CDC7: variants seen among roughly 807,000 people sequenced by gnomAD.
CDC7 encodes the protein cell division cycle 7-related protein kinase.
CDC7 carries 34 observed loss-of-function variants against 53.5 expected under a neutral mutation model. The ratio of observed to expected loss-of-function variants is 0.64; its 90% CI spans 0.48 to 0.85. CDC7 has a LOEUF of 0.85. CDC7 is among the 40% of genes least tolerant of loss of function. The probability of loss-of-function intolerance (pLI) is 0.00; values close to 1 mark genes in which losing one functional copy is unlikely to be tolerated. For synonymous variants in CDC7, 211 were observed against 222.8 expected, an observed-to-expected ratio of 0.95 and a Z score of 0.47; for missense variants, 594 against 679.7, an observed-to-expected ratio of 0.87 and a Z score of 1.40.
At chr1:91,512,916 T>C in intron 6 of CDC7, 142 bp from the exon 7 acceptor site, 3 of 709,304 alleles carry the variant, frequency 4.2e-6, no homozygotes, top group Non-Finnish European at 6.9e-6. Flanking sequence ...ACTTATTTTT[T>C]TTTCTTTTTT....
At chr1:91,518,719 T>C (rs965031019) in intron 10 of CDC7, among the ~76,000 whole-genome samples, 2 of 152,072 alleles carry the variant, frequency 1.3e-5, no homozygotes, top group African/African-American at 2.4e-5. Context: ...AGAAAGATGG[T>C]TACCAGAGGC....
intron 2 of CDC7, among the ~76,000 whole-genome samples, chr1:91,506,351 C>CTT (rs548704623): frequency 6.7e-6 from 1 of 149,138 alleles, no homozygotes; most frequent in African/African-American, 2.5e-5. Flanking sequence ...TCATCCAAGC[C>CTT]TTTTTTTTTT....
intron 1 of CDC7, chr1:91,501,337 C>A (rs1020169816): frequency 4.8e-6 from 1 of 210,224 alleles, no homozygotes; most frequent in Non-Finnish European, 9.6e-6. Flanking sequence ...TGACTTCAAA[C>A]CGCCCCCGGC....
intron 4 of CDC7, 30 bp from the exon 5 acceptor site, chr1:91,511,567 C>T (rs1220337961): frequency 7.7e-6 from 11 of 1,434,686 alleles, no homozygotes; most frequent in Non-Finnish European, 1.1e-5. Flanking sequence ...GACCTTTCTT[C>T]TAAAAGTTCC....
intron 11 of CDC7, among the ~76,000 whole-genome samples, chr1:91,521,134 C>G (rs891169886): frequency 6.6e-6 from 1 of 152,214 alleles, no homozygotes; most frequent in African/African-American, 2.4e-5. Flanking sequence ...GCTGGGCTGT[C>G]TTGTGCTCAA....
chr1:91,507,792 T>G (rs1667070112), intron 2 of CDC7, 62 bp from the exon 3 acceptor site: 2 of 1,064,530 alleles, frequency 1.9e-6, no homozygotes, highest in East Asian at 2.6e-5. Flanking sequence ...CTTTTTAAAT[T>G]TTAAGAAACT....
intron 10 of CDC7, among the ~76,000 whole-genome samples, chr1:91,517,216 A>G (rs1163579271): frequency 6.6e-6 from 1 of 152,214 alleles, no homozygotes; most frequent in Non-Finnish European, 1.5e-5. Flanking sequence ...AAAAGTGACA[A>G]TGGTATATCC....
intron 7 of CDC7, 106 bp downstream of exon 7, chr1:91,513,413 CTT>C (rs13447512): frequency 0.038 from 28,735 of 761,058 alleles, 1,805 homozygotes; most frequent in Admixed American, 0.19. Context: ...ATTTAAAAAA[CTT>C]TTTTTTGCAT....
chr1:91,516,898 C>T (rs1667587777), intron 10 of CDC7, among the ~76,000 whole-genome samples: 1 of 152,118 alleles, frequency 6.6e-6, no homozygotes, highest in Non-Finnish European at 1.5e-5. Flanking sequence ...AACCCCATCT[C>T]TACTAAAAAT....
chr1:91,523,894 CTG>C (rs56282166), intron 11 of CDC7, 145 bp from the exon 12 acceptor site: 18,596 of 555,572 alleles, frequency 0.033, 266 homozygotes, highest in East Asian at 0.17. Context: ...CTATCTCATA[CTG>C]TGTGTGTGTG....
chr1:91,522,699 T>C (rs749276599), intron 11 of CDC7, among the ~76,000 whole-genome samples: 1 of 152,184 alleles, frequency 6.6e-6, no homozygotes, highest in Non-Finnish European at 1.5e-5. Flanking sequence ...TATAATTTTC[T>C]AGAGAGAATA....
chr1:91,508,907 A>C (rs1667123696), intron 4 of CDC7, among the ~76,000 whole-genome samples: 1 of 152,104 alleles, frequency 6.6e-6, no homozygotes, highest in African/African-American at 2.4e-5. Context: ...ACTTCTCAAA[A>C]ATTATCTGCA....
intron 10 of CDC7, among the ~76,000 whole-genome samples, chr1:91,518,460 A>G (rs867393528): frequency 1.3e-5 from 2 of 152,226 alleles, no homozygotes; most frequent in Admixed American, 6.5e-5. Context: ...AGCACTATTC[A>G]TAATAGCCAA....
chr1:91,513,401 T>C lies in CDC7; in HGVS notation c.822+94T>C, dbSNP rs549504706. On this transcript the variant is annotated intron_variant, in intron 7 of 11. Transcript: ENST00000234626. ...AGATAGAATACTAGGATAGTACTTA[T>C]AATTTAAAAAACTTTTTTTTGCATT... The C allele has an allele frequency of 5.7e-5, 67 of 1,182,018 alleles. No homozygotes were observed. In the African/African-American group the frequency reaches 8.1e-4, roughly 14 times the overall value. The allele number at this position is 1,182,018 out of a possible 1,614,324, so 73.2% of individuals were successfully genotyped here. A position where few individuals can be genotyped will look rare whatever the true frequency, so the allele number is the denominator to read the frequency against.
At position 91,501,759 on chromosome 1, in the gene CDC7, T is replaced by C. The variant is rs1666698624; in HGVS notation, c.43T>C (p.Phe15Leu). 1 of 1,613,986 alleles carries C rather than the reference T, an allele frequency of 6.2e-7. No homozygotes were observed. Among genetic ancestry groups the C allele is most frequent in the Non-Finnish European group, 8.5e-7 (1 of 1,180,000 alleles). The part of the protein sequence containing the change: ...LGIQMDEPMA[F>L]SPQRDRFQAE... The stretch of plus-strand genomic sequence containing the variant: ...GATTCAGATGGATGAGCCAATGGCT[T>C]TTTCTCCCCAGCGTGACCGGTTTCA... The change falls in exon 2 of 12, where the codon TTT (phenylalanine) becomes CTT (leucine). Residue 15 changes from phenylalanine (F) to leucine (L), a missense_variant. Physicochemically the swap from Phe to Leu is conservative, Grantham distance 22 (BLOSUM62 0). Transcript: ENST00000234626.
chr1:91,524,456 T>G lies in CDC7; in HGVS notation c.*21T>G. The G allele has an allele frequency of 1.9e-6, 3 of 1,561,014 alleles. No individual in the cohort carries two copies. Among genetic ancestry groups the G allele is most frequent in the Non-Finnish European group, 2.6e-6 (3 of 1,151,138 alleles). On this transcript the variant is annotated 3_prime_UTR_variant, in exon 12 of 12. Transcript: ENST00000234626. ...TGTGATAATGGATCTTCATTTAATG[T>G]TTACTGTTATGAGGTAGAATAAAAA...
At chr1:91,520,107 T>C (rs757216599) in intron 10 of CDC7, 23 bp from the exon 11 acceptor site, 1 of 1,541,408 alleles carries the variant, frequency 6.5e-7, no homozygotes, top group East Asian at 2.3e-5. Flanking sequence ...AAATTTATTT[T>C]TAAAATTTGT....
At chr1:91,512,947 A>G (rs1667357627) in intron 6 of CDC7, 111 bp from the exon 7 acceptor site, 2 of 900,406 alleles carry the variant, frequency 2.2e-6, no homozygotes, top group Admixed American at 2.8e-5. Context: ...ATAAATTCCT[A>G]ATTGATCCCA....
chr1:91,516,543 C>T (rs924015856), intron 10 of CDC7, among the ~76,000 whole-genome samples: 1 of 152,126 alleles, frequency 6.6e-6, no homozygotes, highest in African/African-American at 2.4e-5. Flanking sequence ...ATGAGACCAT[C>T]TGTTCACACT....
Sources: gnomAD v4.1 joint callset for allele counts (sites outside exome capture counted in the v4.1 genomes callset) on GRCh38, gnomAD v4.1.1 for gene constraint, MANE v1.5 for transcripts, NCBI Gene and HGNC (gene_info 2026-07-23, HGNC 2026-07-21) for gene names.